SCAF11: variants seen among roughly 807,000 people sequenced by gnomAD.
The protein encoded by SCAF11 is SR-related CTD associated factor 11.
Under a neutral mutation model 140.5 loss-of-function variants are expected in SCAF11, and 47 were observed. The ratio of observed to expected loss-of-function variants is 0.33; its 90% CI spans 0.26 to 0.43. The LOEUF is 0.43. Among genes scored for constraint, SCAF11 ranks in the 20% least tolerant of loss-of-function variants. SCAF11 has a pLI of 1.00. For synonymous variants in SCAF11, 557 were observed against 579.4 expected, an observed-to-expected ratio of 0.96 and a Z score of 0.55; for missense variants, 1,645 against 1,705.1, an observed-to-expected ratio of 0.96 and a Z score of 0.62.
intron 3 of SCAF11, chr12:45,961,499 A>G (rs1184660638): frequency 1.7e-6 from 1 of 585,774 alleles, no homozygotes; most frequent in Non-Finnish European, 3.0e-6. Flanking sequence ...GTATGCATTT[A>G]AAATATTATT....
chr12:45,922,416 G>A (rs367757829), intron 14 of SCAF11, 47 bp downstream of exon 14: 15 of 1,577,082 alleles, frequency 9.5e-6, no homozygotes, highest in Middle Eastern at 4.5e-4. Flanking sequence ...TTAAAACAGA[G>A]GTGGTTCAAA....
intron 14 of SCAF11, 67 bp from the exon 15 acceptor site, chr12:45,922,261 C>A: frequency 6.6e-7 from 1 of 1,522,894 alleles, no homozygotes. Flanking sequence ...AAATAGAAAG[C>A]TTTGTGAAAA....
At chr12:45,947,706 T>C (rs1234879826) in intron 5 of SCAF11, among the ~76,000 whole-genome samples, 1 of 152,202 alleles carries the variant, frequency 6.6e-6, no homozygotes, top group Non-Finnish European at 1.5e-5. Flanking sequence ...AGACAGAGTC[T>C]TGCTCTGTTG....
chr12:45,964,308 G>A, intron 1 of SCAF11, 120 bp from the exon 2 acceptor site: 1 of 583,060 alleles, frequency 1.7e-6, no homozygotes, highest in South Asian at 2.2e-5. Context: ...TACGAGCCAA[G>A]CCAGTTTGTG....
intron 1 of SCAF11, among the ~76,000 whole-genome samples, chr12:45,968,151 TCTA>T (rs1945994313): frequency 6.6e-6 from 1 of 152,248 alleles, no homozygotes; most frequent in Non-Finnish European, 1.5e-5. Context: ...ACTTATTAGT[TCTA>T]CTAAGTTCTG....
At chr12:45,990,088 G>A (rs1205300548) in intron 1 of SCAF11, among the ~76,000 whole-genome samples, 1 of 152,112 alleles carries the variant, frequency 6.6e-6, no homozygotes, top group African/African-American at 2.4e-5. Flanking sequence ...CAGAGAGGCG[G>A]CGGCGGCCCA....
intron 1 of SCAF11, among the ~76,000 whole-genome samples, chr12:45,988,467 G>C (rs1020493753): frequency 5.3e-5 from 8 of 152,102 alleles, no homozygotes; most frequent in Non-Finnish European, 8.8e-5. Context: ...AAAAGCACAG[G>C]TTTTCCAGAA....
Position 45,924,827 on chromosome 12 carries a change from A to G in SCAF11, c.3807T>C (p.Pro1269=). 6.2e-7 allele frequency: 1 copy of G among 1,614,028 alleles called. No homozygotes were observed. The highest frequency in any genetic ancestry group is 8.5e-7 in the Non-Finnish European group (1 of 1,180,002). ...TGVPLMQVAT[P]TSVSQGLPPP... ...GTGGTAGTCCCTGAGATACACTGGT[A>G]GGAGTGGCTACCTGCATGAGGGGCA... is the stretch of plus-strand genomic sequence containing the variant. Residue 1269 remains proline, a synonymous_variant, in exon 12 of 15, where the codon CCT becomes CCC. Coordinates refer to ENST00000369367, the MANE Select transcript of SCAF11 (RefSeq NM_004719.3).
At chr12:45,980,584 T>C (rs1345690775) in intron 1 of SCAF11, among the ~76,000 whole-genome samples, 1 of 152,146 alleles carries the variant, frequency 6.6e-6, no homozygotes, top group Non-Finnish European at 1.5e-5. Context: ...CTCTTAACCA[T>C]TGACACTAAA....
rs1945828688 is a variant in SCAF11, at chr12:45,961,494, C to T, written c.219+206G>A. 3 of 574,938 alleles carry T rather than the reference C, an allele frequency of 5.2e-6. No individual in the cohort carries two copies. In the South Asian group the frequency reaches 7.7e-5, roughly 15 times the overall value. The allele number at this position is 574,938 out of a possible 1,614,324, so 35.6% of individuals were successfully genotyped here. A position where few individuals can be genotyped will look rare whatever the true frequency, so the allele number is the denominator to read the frequency against. On this transcript the variant is annotated intron_variant, in intron 3 of 14. Coordinates refer to ENST00000369367, the MANE Select transcript of SCAF11 (RefSeq NM_004719.3). ...TATTAACTTTTTTTAAAAAAGTATG[C>T]ATTTAAAATATTATTTGCAAAATCA... is the stretch of plus-strand genomic sequence containing the variant.
Position 45,928,271 on chromosome 12 carries a change from G to C in SCAF11, c.1430C>G (p.Ser477Cys). 1 of 1,613,922 alleles carries C rather than the reference G, an allele frequency of 6.2e-7. No individual in the cohort carries two copies. Among genetic ancestry groups the C allele is most frequent in the Non-Finnish European group, 8.5e-7 (1 of 1,179,984 alleles). Residue 477 changes from serine to cysteine, a missense_variant, in exon 11 of 15, where the codon TCT (serine) becomes TGT (cysteine). Physicochemically the swap from Ser to Cys is moderately radical, Grantham distance 112. Coordinates refer to ENST00000369367, the MANE Select transcript of SCAF11 (RefSeq NM_004719.3). ...EERVGSSSSE[S>C]CAQDLPVLVG... ...TAGCACAGGAAGATCTTGAGCACAA[G>C]ACTCAGAAGATGAAGATCCTACTCT...
At chr12:45,990,614 CCTCCCTGCGCGT>C, upstream of SCAF11, 1 of 1,219,534 alleles carries the variant, frequency 8.2e-7, no homozygotes, top group African/African-American at 1.6e-5. Context: ...CCTCCCCTCC[CCTCCCTGCGCGT>C]CTCCCTCCTC....
chr12:45,961,097 T>C (rs1945815451), intron 3 of SCAF11: 1 of 494,418 alleles, frequency 2.0e-6, no homozygotes, highest in Non-Finnish European at 3.6e-6. Context: ...GACGGTAATA[T>C]CTCTAATTCA....
In SCAF11 at chr12:45,927,960, C is replaced by T. The variant is rs775794143; in HGVS notation, c.1741G>A (p.Glu581Lys). The T allele has an allele frequency of 6.2e-7, 1 of 1,612,946 alleles. No individual in the cohort carries two copies. Among genetic ancestry groups the T allele is most frequent in the Admixed American group, 1.7e-5 (1 of 59,926 alleles). Residue 581 changes from glutamate to lysine, a missense_variant, in exon 11 of 15, where the codon GAA becomes AAA. Glu to Lys is a moderately conservative substitution (Grantham distance 56). Transcript: ENST00000369367. ...AGGGAACTCTCTGTTATTTTTTCTT[C>T]ATTAACCACTGACTCTACATTCTCA... ...LSENVESVVN[E>K]EKITESSLVE...
chr12:45,960,669 T>TAA (rs1945804801), intron 3 of SCAF11: 1 of 152,126 alleles, frequency 6.6e-6, no homozygotes, highest in Non-Finnish European at 1.5e-5. Flanking sequence ...ATGTATACTA[T>TAA]TATTAATTCA....
chr12:45,963,066 GAGGAAACCAGCT>G lies in SCAF11; in HGVS notation c.61+1029_61+1040del, dbSNP rs1255129645. The stretch of plus-strand genomic sequence containing the variant: ...TACTTGTGAATTGGAAGACAAATCT[GAGGAAACCAGCT>G]AGACTCTAGGAGACAGAAAAGGAAA... On this transcript the variant is annotated intron_variant, in intron 2 of 14. Transcript: ENST00000369367. Among the ~76,000 whole-genome samples, 5 of 152,306 alleles carry G rather than the reference GAGGAAACCAGCT, an allele frequency of 3.3e-5. No individual in the cohort carries two copies. In the East Asian group the frequency reaches 7.7e-4, roughly 23 times the overall value.
chr12:45,964,403 C>T (rs1945893961), intron 1 of SCAF11, among the ~76,000 whole-genome samples: 1 of 152,154 alleles, frequency 6.6e-6, no homozygotes, highest in African/African-American at 2.4e-5. Flanking sequence ...CACGGTGGCT[C>T]ACGCCTGTAA....
chr12:45,973,951 T>C (rs529518942), intron 1 of SCAF11, among the ~76,000 whole-genome samples: 24 of 152,296 alleles, frequency 1.6e-4, no homozygotes, highest in African/African-American at 5.1e-4. Context: ...TTCTTTAAAA[T>C]AGGTTTGGCA....
chr12:45,945,800 T>G (rs1048453191), intron 5 of SCAF11, among the ~76,000 whole-genome samples: 1 of 152,136 alleles, frequency 6.6e-6, no homozygotes, highest in Admixed American at 6.6e-5. Flanking sequence ...CCCTAAGTGC[T>G]GGAATTACAG....
Sources: allele counts gnomAD v4.1 joint callset (sites outside exome capture counted in the v4.1 genomes callset), GRCh38; gene constraint gnomAD v4.1.1; transcripts MANE v1.5; gene names NCBI Gene and HGNC (gene_info 2026-07-23, HGNC 2026-07-21).